The following FBXW7 variants were observed in gnomAD, a reference collection of about 807,000 sequenced individuals.
The protein encoded by FBXW7 is F-box and WD repeat domain containing 7.
In FBXW7, 11 loss-of-function variants were observed where a neutral mutation model predicts 86.3. The observed-to-expected ratio is 0.13, with a 90% CI of 0.08 to 0.21. The LOEUF (loss-of-function observed/expected upper bound fraction) is 0.21, where lower values mean the gene tolerates loss of function less well. Among genes scored for constraint, FBXW7 ranks in the 10% least tolerant of loss-of-function variants. The pLI, the probability that FBXW7 is intolerant of heterozygous loss-of-function variation, is 1.00. For synonymous variants in FBXW7, 313 were observed against 297.9 expected, an observed-to-expected ratio of 1.05 and a Z score of -0.52; for missense variants, 488 against 847.4, an observed-to-expected ratio of 0.58 and a Z score of 5.27.
At chr4:152,531,068 C>A (rs2149748719) in intron 2 of FBXW7, among the ~76,000 whole-genome samples, 1 of 152,336 alleles carries the variant, frequency 6.6e-6, no homozygotes, top group African/African-American at 2.4e-5. Context: ...AAAACACACA[C>A]ACACACACAA....
At chr4:152,535,079 G>C (rs534913560) in intron 1 of FBXW7, 46 bp from the exon 2 acceptor site, 1 of 152,854 alleles carries the variant, frequency 6.5e-6, no homozygotes, top group Admixed American at 6.5e-5. Flanking sequence ...GCGGCAACCC[G>C]GGTCTCTTCC....
intron 4 of FBXW7, among the ~76,000 whole-genome samples, chr4:152,390,190 A>C (rs1219862848): frequency 6.6e-6 from 1 of 151,648 alleles, no homozygotes; most frequent in Non-Finnish European, 1.5e-5. Context: ...TTTTTTAATG[A>C]GTAAACTTTG....
intron 2 of FBXW7, among the ~76,000 whole-genome samples, chr4:152,447,276 T>TG (rs1467643795): frequency 6.6e-6 from 1 of 152,184 alleles, no homozygotes; most frequent in Admixed American, 6.6e-5. Flanking sequence ...TTGAGAGAAA[T>TG]GGTGTCTCTA....
chr4:152,512,193 T>C (rs1415377197), intron 2 of FBXW7, among the ~76,000 whole-genome samples: 1 of 152,214 alleles, frequency 6.6e-6, no homozygotes, highest in African/African-American at 2.4e-5. Context: ...TTTGGCAGTA[T>C]TCAAATTCAC....
Position 152,449,676 on chromosome 4 carries a change from T to C in FBXW7, c.-119-37147A>G, listed in dbSNP as rs975923152. ...TGTCTGCATTTTATTTAAAAGATTA[T>C]TTTAAAAACCACAAACCACCCTGAA... On this transcript the variant is annotated intron_variant, in intron 2 of 13. Coordinates refer to ENST00000281708, the MANE Select transcript of FBXW7 (RefSeq NM_001349798.2). Among the ~76,000 whole-genome samples the C allele has an allele frequency of 5.3e-5, 8 of 152,336 alleles. No individual in the cohort carries two copies. In the East Asian group the frequency reaches 1.5e-3, roughly 29 times the overall value.
intron 2 of FBXW7, among the ~76,000 whole-genome samples, chr4:152,475,079 TGAC>T (rs1473078673): frequency 8.6e-5 from 13 of 151,608 alleles, no homozygotes; most frequent in Non-Finnish European, 1.5e-4. Flanking sequence ...CCATCCTGGC[TGAC>T]AGAGCAAGAC....
intron 8 of FBXW7, among the ~76,000 whole-genome samples, chr4:152,332,018 T>C (rs778022526): frequency 2.6e-5 from 4 of 152,100 alleles, no homozygotes. Context: ...TCTATGATTC[T>C]TTCTAAAATA....
At chr4:152,493,851 C>T (rs1434273846) in intron 2 of FBXW7, among the ~76,000 whole-genome samples, 1 of 152,138 alleles carries the variant, frequency 6.6e-6, no homozygotes, top group Non-Finnish European at 1.5e-5. Flanking sequence ...CCTAGCACAC[C>T]AAGTGAGAGA....
chr4:152,335,236 G>A (rs1422344852), intron 7 of FBXW7, among the ~76,000 whole-genome samples: 1 of 152,152 alleles, frequency 6.6e-6, no homozygotes, highest in Non-Finnish European at 1.5e-5. Context: ...ATTAGGTCAT[G>A]AGGTTGGAGT....
intron 2 of FBXW7, among the ~76,000 whole-genome samples, chr4:152,440,963 C>T (rs139345104): frequency 6.6e-6 from 1 of 151,290 alleles, no homozygotes; most frequent in South Asian, 2.1e-4. Flanking sequence ...GTTCACTAAG[C>T]GTCATGTCTC....
At chr4:152,349,344 A>G (rs760032318) in intron 5 of FBXW7, among the ~76,000 whole-genome samples, 13 of 151,778 alleles carry the variant, frequency 8.6e-5, no homozygotes, top group Non-Finnish European at 1.9e-4. Context: ...TACTTCTGTC[A>G]TTTAAATTTT....
At chr4:152,458,345 C>T (rs2149625521) in intron 2 of FBXW7, among the ~76,000 whole-genome samples, 1 of 152,280 alleles carries the variant, frequency 6.6e-6, no homozygotes, top group South Asian at 2.1e-4. Context: ...AACAGGTTGA[C>T]ATAGTGGTCA....
At chr4:152,408,349 T>TA (rs901840903) in intron 4 of FBXW7, among the ~76,000 whole-genome samples, 3 of 152,218 alleles carry the variant, frequency 2.0e-5, no homozygotes, top group Admixed American at 1.3e-4. Flanking sequence ...CAACTTTTTT[T>TA]AAAAAAATAT....
intron 2 of FBXW7, among the ~76,000 whole-genome samples, chr4:152,505,766 G>A (rs1418059208): frequency 6.7e-6 from 1 of 148,752 alleles, no homozygotes; most frequent in Non-Finnish European, 1.5e-5. Context: ...TTTTGAGGTA[G>A]AGTCTCACTC....
At chr4:152,408,563 ATGTTT>A (rs771300112) in intron 4 of FBXW7, among the ~76,000 whole-genome samples, 3 of 152,156 alleles carry the variant, frequency 2.0e-5, no homozygotes, top group Non-Finnish European at 2.9e-5. Flanking sequence ...ATCTTCAATA[ATGTTT>A]TGTTAAGTGC....
chr4:152,534,572 G>A (rs913484874), intron 2 of FBXW7, among the ~76,000 whole-genome samples: 3 of 152,062 alleles, frequency 2.0e-5, no homozygotes, highest in Non-Finnish European at 2.9e-5. Flanking sequence ...GAGTACCCCC[G>A]AAACAAAAAG....
At chr4:152,348,817 G>C in intron 5 of FBXW7, 1 of 427,488 alleles carries the variant, frequency 2.3e-6, no homozygotes, top group Non-Finnish European at 3.8e-6. Flanking sequence ...GAAGTGAATA[G>C]TTTCACTTGT....
chr4:152,480,958 T>C (rs1744825822), intron 2 of FBXW7, among the ~76,000 whole-genome samples: 1 of 152,338 alleles, frequency 6.6e-6, no homozygotes, highest in African/African-American at 2.4e-5. Context: ...CTAGAAGATC[T>C]AACTAAGATC....
At chr4:152,416,943 T>C (rs577974277) in intron 2 of FBXW7, among the ~76,000 whole-genome samples, 1 of 152,302 alleles carries the variant, frequency 6.6e-6, no homozygotes, top group African/African-American at 2.4e-5. Context: ...TCTCAAAGAC[T>C]CTTTTGCCAT....
Sources: gnomAD v4.1 joint callset for allele counts (sites outside exome capture counted in the v4.1 genomes callset) on GRCh38, gnomAD v4.1.1 for gene constraint, MANE v1.5 for transcripts, NCBI Gene and HGNC (gene_info 2026-07-23, HGNC 2026-07-21) for gene names.